SHARPIN: variants seen among roughly 807,000 people sequenced by gnomAD.
SHARPIN encodes SHANK associated RH domain interactor, also known as hSIPL1.
Under a neutral mutation model 40.3 loss-of-function variants are expected in SHARPIN, and 25 were observed. The observed-to-expected ratio is 0.62, with a 90% CI of 0.45 to 0.87. SHARPIN has a LOEUF of 0.87. Among genes scored for constraint, SHARPIN ranks in the 40% least tolerant of loss-of-function variants. The pLI, the probability that SHARPIN is intolerant of heterozygous loss-of-function variation, is 0.00. For synonymous variants in SHARPIN, 274 were observed against 221.8 expected, an observed-to-expected ratio of 1.24 and a Z score of -2.09; for missense variants, 551 against 516.1, an observed-to-expected ratio of 1.07 and a Z score of -0.66.
At chr8:144,103,310 G>T in intron 1 of SHARPIN, 85 bp from the exon 2 acceptor site, 3 of 1,442,786 alleles carry the variant, frequency 2.1e-6, no homozygotes, top group South Asian at 2.6e-5. Context: ...AACATTTATA[G>T]ACCATTTACA....
Position 144,099,203 on chromosome 8 carries a change from T to C in SHARPIN, c.925A>G (p.Thr309Ala), listed in dbSNP as rs1587608786. The change falls in exon 7 of 9, where the codon ACA (threonine) becomes GCA (alanine). Residue 309 changes from threonine (T) to alanine (A), a missense_variant and splice_region_variant. Coordinates refer to ENST00000398712, the MANE Select transcript of SHARPIN (RefSeq NM_030974.4). The stretch of plus-strand genomic sequence containing the variant: ...TGGGGGTGCTGAGGGCTAGGTCCTG[T>C]GGCTGAGGGGGTGGAGCTCAGGACT... Reference protein sequence around the residue: ...LLSAPREAPATGPSPQHPQKM... With the variant: ...LLSAPREAPAAGPSPQHPQKM... 1 of 1,606,094 alleles carries C rather than the reference T, an allele frequency of 6.2e-7. No individual in the cohort carries two copies. The highest frequency in any genetic ancestry group is 2.2e-5 in the East Asian group (1 of 44,838).
chr8:144,102,968 GA>G, intron 2 of SHARPIN, 82 bp downstream of exon 2: 1 of 1,547,384 alleles, frequency 6.5e-7, no homozygotes, highest in Non-Finnish European at 8.9e-7. Flanking sequence ...CAGCAGTGGG[GA>G]AGGTGGATCC....
intron 1 of SHARPIN, 30 bp downstream of exon 1, chr8:144,103,523 A>G (rs1243773300): frequency 6.5e-7 from 1 of 1,528,940 alleles, no homozygotes; most frequent in Admixed American, 2.0e-5. Context: ...GGCCAAGAGG[A>G]CTGACCGCGC....
At chr8:144,102,910 G>A in intron 2 of SHARPIN, 141 bp downstream of exon 2, 1 of 1,001,608 alleles carries the variant, frequency 1.0e-6, no homozygotes, top group Admixed American at 2.0e-5. Flanking sequence ...AGTACTCCAA[G>A]CTACTCCAGG....
intron 4 of SHARPIN, 32 bp downstream of exon 4, chr8:144,099,671 G>C (rs757437489): frequency 1.2e-6 from 2 of 1,613,062 alleles, no homozygotes; most frequent in East Asian, 2.2e-5. Context: ...ATGGTCACGA[G>C]GACAAGGTGA....
In SHARPIN at chr8:144,099,848, C is replaced by T. The variant is rs374972852; in HGVS notation, c.518-4G>A. ...GCCAGGCTCCCTGCCAGCTCTTCTG[C>T]AGGGTAAGGAAAGGACAGCTGTCAC... On this transcript the variant is annotated splice_region_variant and splice_polypyrimidine_tract_variant and intron_variant, in intron 3 of 8. Transcript: ENST00000398712. The T allele has an allele frequency of 5.6e-6, 9 of 1,612,108 alleles. No homozygotes were observed. In the African/African-American group the frequency reaches 1.1e-4, roughly 19 times the overall value.
At chr8:144,101,403 ATTT>A (rs34270727) in intron 2 of SHARPIN, among the ~76,000 whole-genome samples, 17 of 92,418 alleles carry the variant, frequency 1.8e-4, no homozygotes, top group East Asian at 6.0e-4. Flanking sequence ...CACTCAGCTA[ATTT>A]TTTTTTTTTT....
At chr8:144,103,288 G>GAA (rs1836327564) in intron 1 of SHARPIN, 63 bp from the exon 2 acceptor site, 2 of 1,509,584 alleles carry the variant, frequency 1.3e-6, no homozygotes, top group Admixed American at 2.0e-5. Context: ...GAGGAGCAAA[G>GAA]AAATACAAGG....
rs577870600 is a variant in SHARPIN, at chr8:144,100,125, C to T, written c.377-56G>A. On this transcript the variant is annotated intron_variant, in intron 2 of 8. Transcript: ENST00000398712. ...TGGCCTCTGTCCAGGCCTCTAGGCC[C>T]TTGGTTTTCCAGGACCTTTGCCTTC... 5 of 1,511,752 alleles carry T rather than the reference C, an allele frequency of 3.3e-6. No homozygotes were observed. The East Asian group carries it at 9.2e-5, about 28-fold the overall frequency. The allele number at this position is 1,511,752 out of a possible 1,614,324, so 93.6% of individuals were successfully genotyped here.
At position 144,103,602 on chromosome 8, in the gene SHARPIN, T is replaced by A; in HGVS notation, c.152A>T (p.Glu51Val). The change falls in exon 1 of 9, where the codon GAG (glutamate) becomes GTG (valine). Residue 51 changes from glutamate to valine, a missense_variant. Coordinates refer to ENST00000398712, the MANE Select transcript of SHARPIN (RefSeq NM_030974.4). ...LRRLQLSADPERPGRFRLELL... is the reference protein window; with the variant it reads ...LRRLQLSADPVRPGRFRLELL... ...CTCCAGCCGGAAGCGCCCAGGCCGC[T>A]CAGGGTCCGCGCTCAGCTGCAGCCT... 6.5e-7 allele frequency: 1 copy of A among 1,530,486 alleles called. No individual in the cohort carries two copies. The highest frequency in any genetic ancestry group is 8.7e-7 in the Non-Finnish European group (1 of 1,144,942). 94.8% of individuals were successfully genotyped at this position (1,530,486 alleles called of 1,614,324 possible).
chr8:144,099,987 G>A lies in SHARPIN; in HGVS notation c.459C>T (p.Leu153=), dbSNP rs369972505. The A allele has an allele frequency of 3.1e-6, 5 of 1,611,150 alleles. No individual in the cohort carries two copies. The highest frequency in any genetic ancestry group is 4.2e-6 in the Non-Finnish European group (5 of 1,178,884). Residue 153 remains leucine (L), a synonymous_variant, in exon 3 of 9, where the codon CTC becomes CTT. Transcript: ENST00000398712. The part of the protein sequence containing the change: ...SLPSPPEAST[L]KGPPPEADLP... Reference sequence around the variant, plus strand: ...GATCTGCCTCAGGTGGAGGGCCCTTGAGTGTGGAGGCTTCCGGGGGACTGG... The same window carrying A: ...GATCTGCCTCAGGTGGAGGGCCCTTAAGTGTGGAGGCTTCCGGGGGACTGG...
chr8:144,100,138 G>A lies in SHARPIN; in HGVS notation c.377-69C>T, dbSNP rs746365862. On this transcript the variant is annotated intron_variant, in intron 2 of 8. Coordinates refer to ENST00000398712, the MANE Select transcript of SHARPIN (RefSeq NM_030974.4). ...GGCCTCTAGGCCCTTGGTTTTCCAG[G>A]ACCTTTGCCTTCTCCCTCACCTCAG... The A allele has an allele frequency of 7.4e-4, 1,117 of 1,506,732 alleles. 1 individual carries two copies. Among genetic ancestry groups the A allele is most frequent in the Non-Finnish European group, 9.4e-4 (1,060 of 1,127,480 alleles). The allele number at this position is 1,506,732 out of a possible 1,614,324, so 93.3% of individuals were successfully genotyped here.
intron 1 of SHARPIN, 24 bp downstream of exon 1, chr8:144,103,529 C>G (rs1384169107): frequency 1.3e-6 from 2 of 1,529,996 alleles, no homozygotes; most frequent in South Asian, 1.2e-5. Flanking sequence ...GAGGACTGAC[C>G]GCGCGCCCTC....
chr8:144,103,706 GC>G lies in SHARPIN; in HGVS notation c.47del (p.Gly16AlafsTer13). ...GGAAAAASDLGSAAVLLAVHA... is the reference protein window; with the variant it reads ...GGAAAAASDLXSAAVLLAVHA... ...GCACAGCCAAGAGCACTGCGGCGGAGCCCAAGTCCGAGGCCGCCGCCGCCGC... is the reference window on the plus strand; with the variant it reads ...GCACAGCCAAGAGCACTGCGGCGGAGCCAAGTCCGAGGCCGCCGCCGCCGC... On this transcript the variant is annotated frameshift_variant, in exon 1 of 9. Transcript: ENST00000398712. LOFTEE classifies it high-confidence loss of function. 1.4e-6 allele frequency: 2 copies of G among 1,440,716 alleles called. No homozygotes were observed. The highest frequency in any genetic ancestry group is 1.8e-6 in the Non-Finnish European group (2 of 1,102,480). The allele number at this position is 1,440,716 out of a possible 1,614,324, so 89.2% of individuals were successfully genotyped here. A position where few individuals can be genotyped will look rare whatever the true frequency, so the allele number is the denominator to read the frequency against.
rs1386834844 is a variant in SHARPIN, at chr8:144,103,336, T to C, written c.202-111A>G. The C allele has an allele frequency of 9.4e-6, 12 of 1,277,720 alleles. No homozygotes were observed. The South Asian group carries it at 1.5e-4, about 15-fold the overall frequency. The allele number at this position is 1,277,720 out of a possible 1,614,324, so 79.1% of individuals were successfully genotyped here. ...ACCATTTACACGGTCCTAAGCCCTG[T>C]ACGCCTATCATCAAATCCTCACAAT... On this transcript the variant is annotated intron_variant, in intron 1 of 8. Transcript: ENST00000398712.
At position 144,100,087 on chromosome 8, in the gene SHARPIN, GTGTGC is replaced by G. The variant is rs1836261216; in HGVS notation, c.377-23_377-19del. The G allele has an allele frequency of 3.2e-6, 5 of 1,555,486 alleles. No individual in the cohort carries two copies. The highest frequency in any genetic ancestry group is 1.2e-5 in the South Asian group (1 of 80,420). Reference sequence around the variant, plus strand: ...CTTGCTGCCTAGAGGTAAGATATGGGTGTGCTGTGCTGTGGCCTCTGTCCAGGCCT... The same window carrying G: ...CTTGCTGCCTAGAGGTAAGATATGGGTGTGCTGTGGCCTCTGTCCAGGCCT... On this transcript the variant is annotated intron_variant, in intron 2 of 8. Coordinates refer to ENST00000398712, the MANE Select transcript of SHARPIN (RefSeq NM_030974.4).
intron 7 of SHARPIN, 33 bp from the exon 8 acceptor site, chr8:144,099,027 C>G: frequency 6.3e-7 from 1 of 1,595,502 alleles, no homozygotes; most frequent in Non-Finnish European, 8.5e-7. Flanking sequence ...TGCTTCCCTG[C>G]TCTTTCCAAT....
intron 5 of SHARPIN, 40 bp from the exon 6 acceptor site, chr8:144,099,470 T>C (rs769153681): frequency 1.6e-5 from 26 of 1,608,554 alleles, no homozygotes; most frequent in Non-Finnish European, 2.2e-5. Context: ...TCACCTAGGC[T>C]CCTCTGCCCC....
Position 144,099,375 on chromosome 8 carries a change from C to G in SHARPIN, c.824G>C (p.Cys275Ser), listed in dbSNP as rs373727483. 6.8e-6 allele frequency: 11 copies of G among 1,613,760 alleles called. No individual in the cohort carries two copies. The South Asian group carries it at 1.2e-4, about 18-fold the overall frequency. Residue 275 changes from cysteine (C) to serine (S), a missense_variant, in exon 6 of 9, where the codon TGC becomes TCC. Physicochemically the swap from Cys to Ser is moderately radical, Grantham distance 112. Transcript: ENST00000398712. ...PAVQRWVIGRCLCVPERSLAS... is the reference protein window; with the variant it reads ...PAVQRWVIGRSLCVPERSLAS... ...AAGGCTGCGCTCAGGCACACACAGG[C>G]ACCGTCCGATGACCCAGCGTTGCAC...
Sources: allele counts gnomAD v4.1 joint callset (sites outside exome capture counted in the v4.1 genomes callset), GRCh38; gene constraint gnomAD v4.1.1; transcripts MANE v1.5; gene names NCBI Gene and HGNC (gene_info 2026-07-23, HGNC 2026-07-21).